Variants in CCDC178 observed in about 807,000 individuals in gnomAD.
The protein encoded by CCDC178 is coiled-coil domain containing 178, also known as coiled-coil domain-containing protein 178.
In CCDC178, 126 loss-of-function variants were observed where a neutral mutation model predicts 117.4. The ratio of observed to expected loss-of-function variants is 1.07; its 90% CI spans 0.93 to 1.24. CCDC178 has a LOEUF of 1.24. CCDC178 is among the 50% of genes most tolerant of loss of function. The pLI, the probability that CCDC178 is intolerant of heterozygous loss-of-function variation, is 0.00. For synonymous variants in CCDC178, 283 were observed against 313.4 expected, an observed-to-expected ratio of 0.90 and a Z score of 1.02; for missense variants, 1,030 against 986.9, an observed-to-expected ratio of 1.04 and a Z score of -0.59.
chr18:33,348,630 T>C (rs2062928062), intron 8 of CCDC178, among the ~76,000 whole-genome samples: 2 of 151,910 alleles, frequency 1.3e-5, no homozygotes, highest in African/African-American at 4.8e-5. Context: ...AACACTAAAC[T>C]ACAAATAGCT....
intron 14 of CCDC178, among the ~76,000 whole-genome samples, chr18:33,252,946 A>G (rs1388661878): frequency 6.6e-6 from 1 of 151,838 alleles, no homozygotes; most frequent in African/African-American, 2.4e-5. Context: ...GTTAATTTCA[A>G]GCAAACTAAA....
At chr18:33,059,373 C>G (rs1283662993) in intron 21 of CCDC178, among the ~76,000 whole-genome samples, 1 of 152,248 alleles carries the variant, frequency 6.6e-6, no homozygotes, top group Non-Finnish European at 1.5e-5. Context: ...TCGTCACTTC[C>G]TCAAACTTAA....
intron 21 of CCDC178, among the ~76,000 whole-genome samples, chr18:33,083,864 C>CG (rs1399445414): frequency 6.6e-6 from 1 of 152,074 alleles, no homozygotes; most frequent in African/African-American, 2.4e-5. Context: ...GATAAAAACT[C>CG]TTCTCATTTC....
Position 32,955,990 on chromosome 18 carries a change from A to T in CCDC178, c.2524-17899T>A, listed in dbSNP as rs76765697. ...AGCCATCATGGTCCATTCCTGATAC[A>T]TATTTAAAAGGTCTTTAGAAAAATT... On this transcript the variant is annotated intron_variant, in intron 22 of 22. Transcript: ENST00000383096. 6.9e-4 allele frequency among the ~76,000 whole-genome samples: 105 copies of T among 152,292 alleles called. 1 individual carries two copies. The East Asian group carries it at 0.016, about 24-fold the overall frequency.
At chr18:33,406,637 G>A (rs1405538770) in intron 3 of CCDC178, among the ~76,000 whole-genome samples, 1 of 151,886 alleles carries the variant, frequency 6.6e-6, no homozygotes, top group Admixed American at 6.6e-5. Flanking sequence ...TAATCCATAA[G>A]GATGATCTTA....
intron 2 of CCDC178, among the ~76,000 whole-genome samples, chr18:33,412,432 C>T (rs1242700675): frequency 1.3e-5 from 2 of 151,354 alleles, no homozygotes; most frequent in African/African-American, 2.4e-5. Context: ...CTAGAACCTA[C>T]AATGTTTTCA....
rs543935506 is a variant in CCDC178, at chr18:33,115,613, T to C, written c.2239-22703A>G. On this transcript the variant is annotated intron_variant, in intron 20 of 22. Transcript: ENST00000383096. ...TTTTTCTTCATACAGCCTTAAAAAT[T>C]TGTCTACTTTACCTGTATGTCTAAA... 5.3e-5 allele frequency among the ~76,000 whole-genome samples: 8 copies of C among 152,152 alleles called. No homozygotes were observed. The East Asian group carries it at 1.6e-3, about 30-fold the overall frequency.
intron 2 of CCDC178, among the ~76,000 whole-genome samples, chr18:33,419,807 A>C (rs1275180008): frequency 6.6e-6 from 1 of 152,198 alleles, no homozygotes. Flanking sequence ...GTTGTGAAGA[A>C]AAGGAAACGC....
At chr18:33,411,960 C>T in intron 3 of CCDC178, 71 bp downstream of exon 3, 1 of 801,248 alleles carries the variant, frequency 1.2e-6, no homozygotes. Context: ...AGTTGCCCTC[C>T]TCTGTAAGTG....
intron 21 of CCDC178, among the ~76,000 whole-genome samples, chr18:33,073,969 C>T (rs1206190062): frequency 6.6e-6 from 1 of 151,876 alleles, no homozygotes; most frequent in East Asian, 1.9e-4. Context: ...ATATATACAG[C>T]TCGAAGCATC....
At chr18:33,191,309 A>G (rs2058855358) in intron 20 of CCDC178, among the ~76,000 whole-genome samples, 1 of 152,162 alleles carries the variant, frequency 6.6e-6, no homozygotes, top group Non-Finnish European at 1.5e-5. Context: ...TTTAAGTCAC[A>G]TAATGCTTAA....
chr18:33,158,582 C>T (rs2058427796), intron 20 of CCDC178, among the ~76,000 whole-genome samples: 1 of 151,826 alleles, frequency 6.6e-6, no homozygotes, highest in Non-Finnish European at 1.5e-5. Flanking sequence ...TGTCATAATT[C>T]CTATAAGTTA....
chr18:33,383,959 A>T (rs904741781), intron 5 of CCDC178, among the ~76,000 whole-genome samples: 70 of 152,140 alleles, frequency 4.6e-4, no homozygotes, highest in Non-Finnish European at 3.2e-4. Flanking sequence ...GAAGCTAAGA[A>T]CCATGATAAA....
intron 5 of CCDC178, among the ~76,000 whole-genome samples, chr18:33,388,519 A>ATTTTTCTTTTTT (rs2063524134): frequency 1.5e-5 from 1 of 65,266 alleles, no homozygotes; most frequent in Admixed American, 2.8e-4. Flanking sequence ...ACACCACGGA[A>ATTTTTCTTTTTT]TTTTTTTTTT....
At chr18:33,181,351 C>T (rs911138731) in intron 20 of CCDC178, among the ~76,000 whole-genome samples, 1 of 151,860 alleles carries the variant, frequency 6.6e-6, no homozygotes, top group African/African-American at 2.4e-5. Context: ...TACTGCCATT[C>T]TTATACTAAC....
intron 20 of CCDC178, among the ~76,000 whole-genome samples, chr18:33,137,763 C>T (rs1053508590): frequency 6.6e-6 from 1 of 152,062 alleles, no homozygotes. Context: ...AGAGTGTTAC[C>T]ATCACAGACA....
intron 21 of CCDC178, among the ~76,000 whole-genome samples, chr18:33,079,692 A>ATTC (rs1433084970): frequency 6.6e-6 from 1 of 152,208 alleles, no homozygotes; most frequent in African/African-American, 2.4e-5. Context: ...AATATCACTG[A>ATTC]TCATCAGAGA....
intron 5 of CCDC178, among the ~76,000 whole-genome samples, chr18:33,380,520 A>C (rs546358562): frequency 6.6e-6 from 1 of 152,258 alleles, no homozygotes; most frequent in South Asian, 2.1e-4. Flanking sequence ...TTTCCAAGTT[A>C]GCTCCAGGGC....
chr18:32,949,014 G>A (rs1383810272), intron 22 of CCDC178, among the ~76,000 whole-genome samples: 1 of 151,958 alleles, frequency 6.6e-6, no homozygotes, highest in Non-Finnish European at 1.5e-5. Flanking sequence ...ATATTTTACT[G>A]TGTATAAAAT....
Sources: gnomAD v4.1 joint callset for allele counts (sites outside exome capture counted in the v4.1 genomes callset) on GRCh38, gnomAD v4.1.1 for gene constraint, MANE v1.5 for transcripts, NCBI Gene and HGNC (gene_info 2026-07-23, HGNC 2026-07-21) for gene names.